Variants in SLC8A1 observed in about 807,000 individuals in gnomAD.
SLC8A1 encodes the protein sodium/calcium exchanger 1.
SLC8A1 carries 18 observed loss-of-function variants against 68.3 expected under a neutral mutation model. That is an observed-to-expected ratio of 0.26 (90% CI 0.18 to 0.39). The LOEUF (loss-of-function observed/expected upper bound fraction) is 0.39. Among genes scored for constraint, SLC8A1 ranks in the 10% least tolerant of loss-of-function variants. The pLI is 1.00. For missense variants in SLC8A1, 985 were observed against 1,156.7 expected, an observed-to-expected ratio of 0.85 and a Z score of 2.15; for synonymous variants, 475 against 415.5, an observed-to-expected ratio of 1.14 and a Z score of -1.74.
upstream of SLC8A1, chr2:40,453,087 G>A (rs1008156549): frequency 2.0e-5 from 3 of 151,990 alleles, no homozygotes; most frequent in Admixed American, 6.6e-5. Context: ...AACCCTTAAT[G>A]ACTTCACGTG....
intron 2 of SLC8A1, among the ~76,000 whole-genome samples, chr2:40,215,680 A>C (rs1291074767): frequency 6.6e-6 from 1 of 151,046 alleles, no homozygotes; most frequent in East Asian, 1.9e-4. Context: ...AAGTTATGTA[A>C]AGACAAGGTC....
Position 40,505,680 on chromosome 2 carries a change from AC to A in SLC8A1, c.-25+6668del, listed in dbSNP as rs1380586821. On this transcript the variant is annotated intron_variant, in intron 1 of 7. Coordinates refer to the SLC8A1 transcript ENST00000402441. ...TGATTTGTGCAATTGTCACTCCCCA[AC>A]AAAAACAACAATAACAATATTCAGA... Among the ~76,000 whole-genome samples, 3 of 152,076 alleles carry A rather than the reference AC, an allele frequency of 2.0e-5. No individual in the cohort carries two copies. In the East Asian group the frequency reaches 5.8e-4, roughly 29 times the overall value.
chr2:40,284,454 T>G (rs1431113496), intron 2 of SLC8A1, among the ~76,000 whole-genome samples: 1 of 147,042 alleles, frequency 6.8e-6, no homozygotes, highest in Admixed American at 6.9e-5. Flanking sequence ...TAAATGTATA[T>G]CTATAGATAT....
chr2:40,346,336 C>T (rs546602329), intron 2 of SLC8A1, among the ~76,000 whole-genome samples: 24 of 152,206 alleles, frequency 1.6e-4, no homozygotes, highest in Admixed American at 3.3e-4. Flanking sequence ...AATGAGAAAA[C>T]GGACTTGAAT....
chr2:40,141,848 G>T (rs2041628336), intron 6 of SLC8A1, among the ~76,000 whole-genome samples: 1 of 152,182 alleles, frequency 6.6e-6, no homozygotes, highest in Non-Finnish European at 1.5e-5. Context: ...AAATTGGGAT[G>T]CACAGGGAGA....
intron 2 of SLC8A1, among the ~76,000 whole-genome samples, chr2:40,180,829 T>C (rs1294195364): frequency 6.6e-6 from 1 of 152,232 alleles, no homozygotes; most frequent in Non-Finnish European, 1.5e-5. Context: ...GGTGAATGTT[T>C]GTGTAGAAAA....
intron 2 of SLC8A1, among the ~76,000 whole-genome samples, chr2:40,203,704 G>A (rs1190659465): frequency 6.6e-6 from 1 of 151,874 alleles, no homozygotes; most frequent in Non-Finnish European, 1.5e-5. Context: ...ATTCTAATAT[G>A]GTGAGGGTTA....
At chr2:40,377,562 G>C (rs764313741) in intron 2 of SLC8A1, among the ~76,000 whole-genome samples, 2 of 151,474 alleles carry the variant, frequency 1.3e-5, no homozygotes, top group Non-Finnish European at 3.0e-5. Flanking sequence ...CCAACTCACA[G>C]CCCTAGAGCA....
chr2:40,272,268 C>G lies in SLC8A1; in HGVS notation c.1809-94413G>C, dbSNP rs1430350844. Among the ~76,000 whole-genome samples, 9 of 152,262 alleles carry G rather than the reference C, an allele frequency of 5.9e-5. No homozygotes were observed. The East Asian group carries it at 1.7e-3, about 29-fold the overall frequency. ...AACACATGCTTATTGAGAACTTAAGCTAGGTCCATAATAGATCGCAGTCCC... is the reference window on the plus strand; with the variant it reads ...AACACATGCTTATTGAGAACTTAAGGTAGGTCCATAATAGATCGCAGTCCC... On this transcript the variant is annotated intron_variant, in intron 2 of 7. Coordinates refer to ENST00000406785, the Ensembl canonical transcript of SLC8A1.
Position 40,099,475 on chromosome 2 carries a change from A to G in SLC8A1, c.*15778T>C, listed in dbSNP as rs532276124. 8 of 152,180 alleles carry G rather than the reference A, an allele frequency of 5.3e-5. No individual in the cohort carries two copies. In the South Asian group the frequency reaches 1.7e-3, roughly 32 times the overall value. 9.4% of individuals were successfully genotyped at this position (152,180 alleles called of 1,614,324 possible). A position where few individuals can be genotyped will look rare whatever the true frequency, so the allele number is the denominator to read the frequency against. ...ATGGGAACAAACTTTAGGATCAACTACGGGAATATTAGGATTTCTTACTTC... is the reference window on the plus strand; with the variant it reads ...ATGGGAACAAACTTTAGGATCAACTGCGGGAATATTAGGATTTCTTACTTC... On this transcript the variant is annotated 3_prime_UTR_variant, in exon 8 of 8. Coordinates refer to ENST00000406785, the Ensembl canonical transcript of SLC8A1.
At chr2:40,339,442 A>G (rs1408818732) in intron 2 of SLC8A1, among the ~76,000 whole-genome samples, 1 of 152,224 alleles carries the variant, frequency 6.6e-6, no homozygotes, top group Non-Finnish European at 1.5e-5. Flanking sequence ...AAAGTGAGGC[A>G]GTGCCAGAAT....
chr2:40,299,552 T>C (rs2071042295), intron 2 of SLC8A1, among the ~76,000 whole-genome samples: 2 of 152,302 alleles, frequency 1.3e-5, no homozygotes, highest in South Asian at 4.1e-4. Context: ...GACAAATTGC[T>C]GGCTCAATTC....
At chr2:40,289,867 T>C (rs1234914783) in intron 2 of SLC8A1, among the ~76,000 whole-genome samples, 3 of 143,222 alleles carry the variant, frequency 2.1e-5, no homozygotes, top group Non-Finnish European at 4.4e-5. Flanking sequence ...TCTCAAAAAT[T>C]AAATTAAATT....
chr2:40,163,058 C>T (rs2045962305), intron 5 of SLC8A1, among the ~76,000 whole-genome samples: 1 of 152,130 alleles, frequency 6.6e-6, no homozygotes, highest in African/African-American at 2.4e-5. Flanking sequence ...TTAATGGTAA[C>T]TATACTGATG....
intron 6 of SLC8A1, among the ~76,000 whole-genome samples, chr2:40,148,958 A>G (rs141123944): frequency 2.0e-5 from 3 of 152,274 alleles, no homozygotes; most frequent in Middle Eastern, 3.4e-3. Context: ...TCTCTCATAA[A>G]TAGTAACCAT....
chr2:40,405,150 C>A (rs891898335), intron 2 of SLC8A1, among the ~76,000 whole-genome samples: 3 of 152,112 alleles, frequency 2.0e-5, no homozygotes, highest in Non-Finnish European at 4.4e-5. Context: ...GTCAGGGGAA[C>A]ATACTTCTTA....
intron 2 of SLC8A1, among the ~76,000 whole-genome samples, chr2:40,183,064 C>G (rs1157568902): frequency 6.6e-6 from 1 of 152,216 alleles, no homozygotes; most frequent in Non-Finnish European, 1.5e-5. Context: ...GAATGATAGG[C>G]TCTTTGCATT....
rs73927117 is a variant in SLC8A1, at chr2:40,127,256, A to G, written c.2438-11627T>C. Among the ~76,000 whole-genome samples, 622 of 152,334 alleles carry G rather than the reference A, an allele frequency of 4.1e-3. 4 individuals are homozygous for G. The highest frequency in any genetic ancestry group is 0.014 in the African/African-American group (582 of 41,576). ...AGAGCTTAATCTTTACTCTCAGGAT[A>G]AGAATACTTGACATAGCAGAAAGTT... On this transcript the variant is annotated intron_variant, in intron 7 of 7. Transcript: ENST00000406785.
intron 2 of SLC8A1, among the ~76,000 whole-genome samples, chr2:40,422,236 T>C (rs1486403243): frequency 2.6e-5 from 4 of 152,070 alleles, no homozygotes; most frequent in Middle Eastern, 3.2e-3. Context: ...GCATTTATAC[T>C]GTAATAAGGG....
Sources: gnomAD v4.1 joint callset for allele counts (sites outside exome capture counted in the v4.1 genomes callset) on GRCh38, gnomAD v4.1.1 for gene constraint, MANE v1.5 for transcripts, NCBI Gene and HGNC (gene_info 2026-07-23, HGNC 2026-07-21) for gene names.